The following COG5 variants were observed in gnomAD, a reference collection of about 807,000 sequenced individuals.
COG5 encodes component of oligomeric golgi complex 5.
COG5 carries 86 observed loss-of-function variants against 110.4 expected under a neutral mutation model. The observed-to-expected ratio is 0.78, with a 90% CI of 0.65 to 0.93. The LOEUF (loss-of-function observed/expected upper bound fraction) is 0.93, where lower values mean the gene tolerates loss of function less well. COG5 is among the 40% of genes least tolerant of loss of function. The pLI is 0.00. For missense variants in COG5, 1,077 were observed against 987.0 expected (o/e 1.09, Z -1.22); for synonymous variants, 360 against 334.6 (o/e 1.08, Z -0.83).
intron 14 of COG5, 80 bp from the exon 15 acceptor site, chr7:107,258,463 TACACAC>T: frequency 1.6e-6 from 1 of 608,980 alleles, no homozygotes; most frequent in Non-Finnish European, 3.0e-6. Context: ...CACACACACA[TACACAC>T]ACACACACAC....
intron 16 of COG5, among the ~76,000 whole-genome samples, chr7:107,253,938 C>T (rs1802699534): frequency 6.6e-6 from 1 of 152,110 alleles, no homozygotes; most frequent in Admixed American, 6.6e-5. Context: ...CCTTCCATCC[C>T]CATTCTCTAT....
intron 10 of COG5, among the ~76,000 whole-genome samples, chr7:107,356,627 C>A (rs575803073): frequency 1.3e-5 from 2 of 151,916 alleles, no homozygotes; most frequent in South Asian, 4.1e-4. Context: ...AATTTCAGTA[C>A]ATTTTTTTTA....
chr7:107,210,553 G>C lies in COG5; in HGVS notation c.2348C>G (p.Ser783Cys). 6.2e-7 allele frequency: 1 copy of C among 1,603,634 alleles called. No individual in the cohort carries two copies. Among genetic ancestry groups the C allele is most frequent in the Non-Finnish European group, 8.5e-7 (1 of 1,175,278 alleles). Residue 783 changes from serine to cysteine, a missense_variant, in exon 21 of 22, where the codon TCT becomes TGT. Coordinates refer to ENST00000297135, the MANE Select transcript of COG5 (RefSeq NM_006348.5). Reference sequence around the variant, plus strand: ...GATGAGGAGGAGCCTGTCCTTTTCAGATGGATGGTCATCCAGCCACTGAGA... The same window carrying C: ...GATGAGGAGGAGCCTGTCCTTTTCACATGGATGGTCATCCAGCCACTGAGA... ...RFSQWLDDHP[S>C]EKDRLLLIRG...
intron 7 of COG5, among the ~76,000 whole-genome samples, chr7:107,383,115 C>G (rs1563001667): frequency 1.3e-5 from 2 of 152,190 alleles, no homozygotes; most frequent in African/African-American, 2.4e-5. Flanking sequence ...ACCACGCACC[C>G]AAATCCTGGC....
At chr7:107,324,642 TAACC>T (rs1809609918) in intron 10 of COG5, 121 bp from the exon 11 acceptor site, 1 of 597,040 alleles carries the variant, frequency 1.7e-6, no homozygotes. Flanking sequence ...TTTAGACATC[TAACC>T]ATCAAACAAT....
intron 7 of COG5, among the ~76,000 whole-genome samples, chr7:107,382,263 A>AT (rs1220636457): frequency 1.3e-5 from 2 of 152,112 alleles, no homozygotes; most frequent in Non-Finnish European, 2.9e-5. Context: ...AATCACAGGT[A>AT]TTTGAGGATA....
chr7:107,522,335 G>A (rs1364811035), intron 6 of COG5, among the ~76,000 whole-genome samples: 1 of 152,190 alleles, frequency 6.6e-6, no homozygotes, highest in African/African-American at 2.4e-5. Flanking sequence ...AGGCGTGGTG[G>A]TGAATGCCTG....
intron 10 of COG5, among the ~76,000 whole-genome samples, chr7:107,340,124 C>G (rs1811052989): frequency 6.6e-6 from 1 of 151,728 alleles, no homozygotes; most frequent in Admixed American, 6.6e-5. Flanking sequence ...GCTGATAGAC[C>G]ACTAGCTAGA....
At chr7:107,445,673 CA>C (rs111756500) in intron 6 of COG5, among the ~76,000 whole-genome samples, 1,971 of 152,198 alleles carry the variant, frequency 0.013, 54 homozygotes, top group African/African-American at 0.043. Flanking sequence ...TTCTTGGTAT[CA>C]CAATATAAAA....
intron 8 of COG5, among the ~76,000 whole-genome samples, chr7:107,366,737 G>A (rs373292164): frequency 9.9e-5 from 15 of 152,088 alleles, no homozygotes; most frequent in African/African-American, 2.7e-4. Context: ...CCGTTCATAT[G>A]AAGGGACTTC....
At chr7:107,432,743 T>C (rs1361987365) in intron 6 of COG5, among the ~76,000 whole-genome samples, 1 of 152,098 alleles carries the variant, frequency 6.6e-6, no homozygotes, top group African/African-American at 2.4e-5. Context: ...CTATAAAAAG[T>C]CCAGGGATGC....
chr7:107,483,834 T>C (rs911926626), intron 6 of COG5, among the ~76,000 whole-genome samples: 2 of 151,774 alleles, frequency 1.3e-5, no homozygotes, highest in African/African-American at 4.8e-5. Flanking sequence ...TAGGGTTTCC[T>C]AGAGTCTCAT....
intron 21 of COG5, chr7:107,208,212 T>C (rs1185376420): frequency 2.0e-6 from 2 of 985,328 alleles, no homozygotes; most frequent in East Asian, 2.3e-4. Flanking sequence ...GCTAAGGGCA[T>C]GAAGGTTCTG....
intron 16 of COG5, 94 bp from the exon 17 acceptor site, chr7:107,248,593 GTTTT>G: frequency 1.2e-6 from 1 of 808,014 alleles, no homozygotes; most frequent in South Asian, 1.5e-5. Flanking sequence ...GTGACTAACA[GTTTT>G]CATATTATAT....
At chr7:107,262,751 T>C (rs1438766884) in intron 14 of COG5, among the ~76,000 whole-genome samples, 1 of 152,182 alleles carries the variant, frequency 6.6e-6, no homozygotes, top group Non-Finnish European at 1.5e-5. Flanking sequence ...ATGACTTTGC[T>C]GTATATTTCC....
At chr7:107,269,356 T>G (rs1332242472) in intron 14 of COG5, among the ~76,000 whole-genome samples, 3 of 151,764 alleles carry the variant, frequency 2.0e-5, no homozygotes, top group Non-Finnish European at 2.9e-5. Context: ...ACGCCTGTAG[T>G]CCCAGCTACT....
chr7:107,435,089 G>C (rs1006324629), intron 6 of COG5, among the ~76,000 whole-genome samples: 1 of 152,084 alleles, frequency 6.6e-6, no homozygotes, highest in Non-Finnish European at 1.5e-5. Context: ...TACTTTTATG[G>C]GTTATCTAAA....
At position 107,527,216 on chromosome 7, in the gene COG5, TA is replaced by T. The variant is rs201626701; in HGVS notation, c.538+20del. The T allele has an allele frequency of 0.029, 38,895 of 1,344,220 alleles. 50 individuals carry two copies. Among genetic ancestry groups the T allele is most frequent in the African/African-American group, 0.058 (3,828 of 65,684 alleles). 83.3% of individuals were successfully genotyped at this position (1,344,220 alleles called of 1,614,324 possible). On this transcript the variant is annotated intron_variant, in intron 6 of 21. Transcript: ENST00000297135. Reference sequence around the variant, plus strand: ...TTTAAATCTCTACTAACTTTTTATTTAAAAAAAAAAAAAAACTTACCAAGTT... The same window carrying T: ...TTTAAATCTCTACTAACTTTTTATTTAAAAAAAAAAAAAACTTACCAAGTT...
At chr7:107,341,494 ATTT>A (rs1811167030) in intron 10 of COG5, among the ~76,000 whole-genome samples, 1 of 152,104 alleles carries the variant, frequency 6.6e-6, no homozygotes, top group African/African-American at 2.4e-5. Flanking sequence ...CAAACTACCA[ATTT>A]CATTTTTCAC....
Sources: gnomAD v4.1 joint callset for allele counts (sites outside exome capture counted in the v4.1 genomes callset) on GRCh38, gnomAD v4.1.1 for gene constraint, MANE v1.5 for transcripts, NCBI Gene and HGNC (gene_info 2026-07-23, HGNC 2026-07-21) for gene names.